ARHGEF3: variants seen among roughly 807,000 people sequenced by gnomAD.
The protein encoded by ARHGEF3 is 59.8 kDA protein.
A neutral mutation model predicts 63.2 loss-of-function variants in ARHGEF3; 28 were observed. The ratio of observed to expected loss-of-function variants is 0.44; its 90% CI spans 0.33 to 0.61. The LOEUF (loss-of-function observed/expected upper bound fraction) is 0.61, where lower values mean the gene tolerates loss of function less well. ARHGEF3 is among the 20% of genes least tolerant of loss of function. The probability of loss-of-function intolerance (pLI) is 0.03; values close to 1 mark genes in which losing one functional copy is unlikely to be tolerated. For missense variants in ARHGEF3, 533 were observed against 659.3 expected (o/e 0.81, Z 2.10); for synonymous variants, 266 against 254.2 (o/e 1.05, Z -0.44).
At chr3:56,921,688 C>A (rs1354308242) in intron 3 of ARHGEF3, among the ~76,000 whole-genome samples, 1 of 152,222 alleles carries the variant, frequency 6.6e-6, no homozygotes, top group Non-Finnish European at 1.5e-5. Context: ...GCCTATTGGA[C>A]TCAAGGTGGT....
chr3:56,750,024 C>T (rs755923663), intron 6 of ARHGEF3, among the ~76,000 whole-genome samples: 1 of 152,188 alleles, frequency 6.6e-6, no homozygotes, highest in Non-Finnish European at 1.5e-5. Context: ...TTATAACCTT[C>T]ACAACACTCT....
chr3:56,761,716 A>G (rs959557556), intron 2 of ARHGEF3, among the ~76,000 whole-genome samples: 7 of 152,276 alleles, frequency 4.6e-5, no homozygotes, highest in African/African-American at 1.7e-4. Flanking sequence ...AGACAAGGAA[A>G]CTTGAGGCTC....
Position 56,855,608 on chromosome 3 carries a change from G to T in ARHGEF3, c.192+26684C>A, listed in dbSNP as rs146680280. 1.3e-3 allele frequency among the ~76,000 whole-genome samples: 194 copies of T among 151,942 alleles called. 1 individual carries two copies. The highest frequency in any genetic ancestry group is 3.4e-3 in the Middle Eastern group (1 of 292). On this transcript the variant is annotated intron_variant, in intron 4 of 12. Coordinates refer to the ARHGEF3 transcript ENST00000338458. ...TGAGGCAGGAGAATCGCTTGAACCT[G>T]GGGGGCAGAGGTTGCAATGAGCCGA...
At chr3:56,988,805 T>C (rs969896990) in intron 2 of ARHGEF3, among the ~76,000 whole-genome samples, 2 of 152,202 alleles carry the variant, frequency 1.3e-5, no homozygotes, top group Admixed American at 1.3e-4. Flanking sequence ...TGCAACAGTA[T>C]GTGCCCATCT....
intron 3 of ARHGEF3, among the ~76,000 whole-genome samples, chr3:56,914,699 T>G (rs1257279747): frequency 2.0e-5 from 3 of 152,162 alleles, no homozygotes; most frequent in Non-Finnish European, 2.9e-5. Flanking sequence ...CGTTACAACT[T>G]GAATGAACCC....
chr3:56,979,578 AC>A (rs1701249543), intron 2 of ARHGEF3, among the ~76,000 whole-genome samples: 1 of 152,218 alleles, frequency 6.6e-6, no homozygotes, highest in Non-Finnish European at 1.5e-5. Context: ...CAAGGCCCTC[AC>A]TAGGAATAAA....
chr3:57,052,618 T>A (rs1032979463), intron 1 of ARHGEF3, among the ~76,000 whole-genome samples: 9 of 152,120 alleles, frequency 5.9e-5, no homozygotes, highest in African/African-American at 1.4e-4. Flanking sequence ...TCTTAACCCT[T>A]ACACTTTCCT....
At chr3:57,002,514 G>GTTATATATATATATATT (rs1702285956) in intron 2 of ARHGEF3, among the ~76,000 whole-genome samples, 1 of 47,836 alleles carries the variant, frequency 2.1e-5, no homozygotes, top group Non-Finnish European at 4.6e-5. Flanking sequence ...ATATATATAT[G>GTTATATATATATATATT]TTATATATGT....
At chr3:56,844,142 C>A (rs760317177) in intron 4 of ARHGEF3, among the ~76,000 whole-genome samples, 1 of 152,148 alleles carries the variant, frequency 6.6e-6, no homozygotes, top group South Asian at 2.1e-4. Context: ...AAGTTCTGCT[C>A]GACAGTGCAG....
intron 1 of ARHGEF3, among the ~76,000 whole-genome samples, chr3:57,041,763 C>T (rs1031968357): frequency 6.6e-6 from 1 of 152,138 alleles, no homozygotes; most frequent in Non-Finnish European, 1.5e-5. Context: ...TTTATCTGAG[C>T]AGGGAGAGAG....
intron 3 of ARHGEF3, among the ~76,000 whole-genome samples, chr3:56,944,715 G>A (rs952873388): frequency 4.0e-5 from 6 of 151,282 alleles, no homozygotes; most frequent in South Asian, 2.1e-4. Flanking sequence ...TAGCTGGGAC[G>A]ACAGGCACCT....
chr3:57,001,738 C>T (rs1019293192), intron 2 of ARHGEF3, among the ~76,000 whole-genome samples: 6 of 152,078 alleles, frequency 3.9e-5, no homozygotes, highest in Non-Finnish European at 7.4e-5. Context: ...AAGGGGATGG[C>T]GGAGTGAAAA....
chr3:56,748,805 A>C (rs143401754), intron 6 of ARHGEF3, among the ~76,000 whole-genome samples: 68 of 152,260 alleles, frequency 4.5e-4, no homozygotes, highest in African/African-American at 1.6e-3. Context: ...CCTGAAAAAA[A>C]GCAACCACTC....
chr3:56,906,330 T>C (rs1419289483), intron 3 of ARHGEF3, among the ~76,000 whole-genome samples: 5 of 152,194 alleles, frequency 3.3e-5, no homozygotes, highest in Non-Finnish European at 7.3e-5. Context: ...AAAACATTTC[T>C]GTCGTCACAA....
chr3:56,756,940 C>A (rs934231184), intron 2 of ARHGEF3, among the ~76,000 whole-genome samples: 1 of 152,284 alleles, frequency 6.6e-6, no homozygotes, highest in Non-Finnish European at 1.5e-5. Flanking sequence ...TCCTCCTCCC[C>A]CAGAGCAATT....
chr3:56,863,812 A>T (rs1421312607), intron 4 of ARHGEF3, among the ~76,000 whole-genome samples: 1 of 152,200 alleles, frequency 6.6e-6, no homozygotes, highest in African/African-American at 2.4e-5. Context: ...TTGGCACTGG[A>T]AAGGACACAA....
intron 4 of ARHGEF3, among the ~76,000 whole-genome samples, chr3:56,857,140 CAGAAGCTATTCTAAGTGGTTATT>C (rs1336897676): frequency 1.2e-4 from 19 of 152,266 alleles, no homozygotes; most frequent in African/African-American, 4.3e-4. Context: ...TCATTCCCAT[CAGAAGCTATTCTAAGTGGTTATT>C]CCTCAAAATT....
chr3:56,814,741 T>G (rs908928570), intron 4 of ARHGEF3, among the ~76,000 whole-genome samples: 5 of 152,138 alleles, frequency 3.3e-5, no homozygotes, highest in South Asian at 2.1e-4. Flanking sequence ...CCAAAGACAT[T>G]AATTCTTTGA....
At chr3:56,952,087 T>C (rs1431323150) in intron 3 of ARHGEF3, among the ~76,000 whole-genome samples, 1 of 151,950 alleles carries the variant, frequency 6.6e-6, no homozygotes, top group Non-Finnish European at 1.5e-5. Context: ...ACCCCCATGA[T>C]TGGGTAACTA....
Sources: allele counts gnomAD v4.1 joint callset (sites outside exome capture counted in the v4.1 genomes callset), GRCh38; gene constraint gnomAD v4.1.1; transcripts MANE v1.5; gene names NCBI Gene and HGNC (gene_info 2026-07-23, HGNC 2026-07-21).